IGF1R: variants seen among roughly 807,000 people sequenced by gnomAD.
IGF1R encodes insulin-like growth factor 1 receptor.
Under a neutral mutation model 144.6 loss-of-function variants are expected in IGF1R, and 44 were observed. The ratio of observed to expected loss-of-function variants is 0.30; its 90% CI spans 0.24 to 0.39. IGF1R has a LOEUF of 0.39. Among genes scored for constraint, IGF1R ranks in the 10% least tolerant of loss-of-function variants. The probability of loss-of-function intolerance (pLI) is 1.00; values close to 1 mark genes in which losing one functional copy is unlikely to be tolerated. For missense variants in IGF1R, 1,355 were observed against 1,833.7 expected (o/e 0.74, Z 4.77); for synonymous variants, 795 against 722.8 (o/e 1.10, Z -1.60).
At chr15:98,946,076 C>G (rs1385834044) in intron 19 of IGF1R, among the ~76,000 whole-genome samples, 1 of 151,628 alleles carries the variant, frequency 6.6e-6, no homozygotes, top group African/African-American at 2.4e-5. Flanking sequence ...AGGATAAAGT[C>G]TTGTGGAGAA....
At chr15:98,805,521 T>G (rs1175186169) in intron 2 of IGF1R, among the ~76,000 whole-genome samples, 3 of 152,072 alleles carry the variant, frequency 2.0e-5, no homozygotes, top group Non-Finnish European at 2.9e-5. Flanking sequence ...TGTGTGTGTG[T>G]GATTCAGAGC....
intron 2 of IGF1R, among the ~76,000 whole-genome samples, chr15:98,762,520 G>A (rs2055330852): frequency 6.6e-6 from 1 of 152,182 alleles, no homozygotes; most frequent in Admixed American, 6.5e-5. Flanking sequence ...CTGAGGTCAG[G>A]AGTTTCAGAC....
chr15:98,931,330 T>C (rs1337605247), intron 15 of IGF1R, among the ~76,000 whole-genome samples: 2 of 152,200 alleles, frequency 1.3e-5, no homozygotes, highest in Non-Finnish European at 2.9e-5. Flanking sequence ...TGAAAGTAGA[T>C]GCAGGAGATG....
Position 98,964,496 on chromosome 15 carries a change from C to T in IGF1R, c.*7054C>T. 1 of 215,598 alleles carries T rather than the reference C, an allele frequency of 4.6e-6. No individual in the cohort carries two copies. Among genetic ancestry groups the T allele is most frequent in the Non-Finnish European group, 9.2e-6 (1 of 108,264 alleles). 13.4% of individuals were successfully genotyped at this position (215,598 alleles called of 1,614,324 possible). A position where few individuals can be genotyped will look rare whatever the true frequency, so the allele number is the denominator to read the frequency against. ...TCTGCTTTTTTCTAGTAAAGTACTA[C>T]ATGGTTTAAGTTAAATAAAATAATT... On this transcript the variant is annotated 3_prime_UTR_variant, in exon 21 of 21. Coordinates refer to ENST00000650285, the MANE Select transcript of IGF1R (RefSeq NM_000875.5).
rs34303390 is a variant in IGF1R, at chr15:98,875,349, CT to C, written c.641-15960del. Among the ~76,000 whole-genome samples the C allele has an allele frequency of 3.4e-3, 446 of 130,160 alleles. 4 individuals are homozygous for C. The highest frequency in any genetic ancestry group is 4.0e-3 in the Middle Eastern group (1 of 250). The allele number at this position is 130,160 out of a possible 152,430, so 85.4% of individuals were successfully genotyped here. ...TTCTTTCTTTCTTTTCTTTTCTTTT[CT>C]TTTTTTTTTTTTTTTAGGTGACTTG... On this transcript the variant is annotated intron_variant, in intron 2 of 20. Transcript: ENST00000650285.
At chr15:98,727,548 G>T (rs1379882084) in intron 2 of IGF1R, among the ~76,000 whole-genome samples, 2 of 141,252 alleles carry the variant, frequency 1.4e-5, no homozygotes, top group African/African-American at 4.9e-5. Flanking sequence ...TCAGTCCTGA[G>T]TATGGGGCTT....
chr15:98,898,569 TATTAA>T (rs1466171964), intron 4 of IGF1R, among the ~76,000 whole-genome samples: 20 of 152,346 alleles, frequency 1.3e-4, no homozygotes, highest in African/African-American at 4.6e-4. Context: ...CTTGGAAAGC[TATTAA>T]ATTAAATTAG....
At chr15:98,722,057 T>A (rs140720635) in intron 2 of IGF1R, among the ~76,000 whole-genome samples, 1 of 152,318 alleles carries the variant, frequency 6.6e-6, no homozygotes, top group East Asian at 1.9e-4. Flanking sequence ...GTTTCCTTGC[T>A]AGTTCCTTGG....
intron 2 of IGF1R, among the ~76,000 whole-genome samples, chr15:98,718,326 CG>C (rs1482608296): frequency 6.6e-6 from 1 of 152,210 alleles, no homozygotes; most frequent in Non-Finnish European, 1.5e-5. Context: ...TAGGGACTGT[CG>C]GTTGCTTGAT....
chr15:98,908,545 T>C, intron 5 of IGF1R, 140 bp from the exon 6 acceptor site: 3 of 706,512 alleles, frequency 4.2e-6, no homozygotes, highest in South Asian at 3.0e-5. Context: ...TCTCCTATAG[T>C]GTTAATAACT....
intron 2 of IGF1R, among the ~76,000 whole-genome samples, chr15:98,790,186 G>A (rs2056097120): frequency 6.6e-6 from 1 of 152,184 alleles, no homozygotes; most frequent in Admixed American, 6.5e-5. Flanking sequence ...AGCTTATCTG[G>A]CATTTTGGGG....
At chr15:98,951,101 G>A (rs1176185952) in intron 20 of IGF1R, among the ~76,000 whole-genome samples, 1 of 149,026 alleles carries the variant, frequency 6.7e-6, no homozygotes. Context: ...TGGACACTTC[G>A]TGTGGAATTC....
At chr15:98,821,443 A>G (rs1014566619) in intron 2 of IGF1R, among the ~76,000 whole-genome samples, 1 of 152,210 alleles carries the variant, frequency 6.6e-6, no homozygotes, top group African/African-American at 2.4e-5. Flanking sequence ...AAACAGAATC[A>G]TGAGTACGTA....
chr15:98,936,621 T>G (rs2016160467), intron 17 of IGF1R, among the ~76,000 whole-genome samples: 1 of 152,010 alleles, frequency 6.6e-6, no homozygotes, highest in African/African-American at 2.4e-5. Context: ...TTAATTTTTT[T>G]TTTTTTTTAA....
chr15:98,653,631 G>A lies in IGF1R; in HGVS notation c.94+3956G>A, dbSNP rs767656753. ...ACAGAACGAAAGGTTTTAAAATGTG[G>A]CAAAGGCATTTTTGTTTTGAAACTG... On this transcript the variant is annotated intron_variant, in intron 1 of 20. Coordinates refer to ENST00000650285, the MANE Select transcript of IGF1R (RefSeq NM_000875.5). 7.2e-5 allele frequency among the ~76,000 whole-genome samples: 11 copies of A among 152,170 alleles called. No individual in the cohort carries two copies. The South Asian group carries it at 1.2e-3, about 17-fold the overall frequency.
intron 2 of IGF1R, among the ~76,000 whole-genome samples, chr15:98,762,233 CTTTTCTTTTTTTT>C (rs1328459788): frequency 7.8e-6 from 1 of 128,414 alleles, no homozygotes; most frequent in Non-Finnish European, 1.6e-5. Context: ...CTTTTCTTTT[CTTTTCTTTTTTTT>C]TTTTTTTTTG....
chr15:98,664,959 ATT>A (rs376830930), intron 1 of IGF1R, among the ~76,000 whole-genome samples: 14,933 of 129,902 alleles, frequency 0.11, 1,232 homozygotes, highest in African/African-American at 0.24. Flanking sequence ...AACCAGCTTC[ATT>A]TTTTTTTTTT....
At chr15:98,922,562 GCA>G (rs1411489669) in intron 11 of IGF1R, 131 bp downstream of exon 11, 5 of 1,047,322 alleles carry the variant, frequency 4.8e-6, no homozygotes, top group African/African-American at 1.6e-5. Flanking sequence ...TAAATAACGT[GCA>G]GTCATTGGCA....
chr15:98,930,358 G>T, intron 15 of IGF1R, 53 bp downstream of exon 15: 1 of 1,303,354 alleles, frequency 7.7e-7, no homozygotes, highest in Non-Finnish European at 1.1e-6. Context: ...TAGATCGGGA[G>T]CTTTCAGGAG....
Sources: gnomAD v4.1 joint callset for allele counts (sites outside exome capture counted in the v4.1 genomes callset) on GRCh38, gnomAD v4.1.1 for gene constraint, MANE v1.5 for transcripts, NCBI Gene and HGNC (gene_info 2026-07-23, HGNC 2026-07-21) for gene names.